The following UBE2D3 variants were observed in gnomAD, a reference collection of about 807,000 sequenced individuals.
UBE2D3 encodes the protein ubiquitin conjugating enzyme E2 D3, also known as ubiquitin-conjugating enzyme E2 D3.
Under a neutral mutation model 22.8 loss-of-function variants are expected in UBE2D3, and 2 were observed. That is an observed-to-expected ratio of 0.09 (90% CI 0.04 to 0.28). The LOEUF (loss-of-function observed/expected upper bound fraction) is 0.28. UBE2D3 is among the 10% of genes least tolerant of loss of function. The probability of loss-of-function intolerance (pLI) is 1.00; values close to 1 mark genes in which losing one functional copy is unlikely to be tolerated. For missense variants in UBE2D3, 27 were observed against 182.5 expected (o/e 0.15, Z 4.91); for synonymous variants, 56 against 60.4 (o/e 0.93, Z 0.34).
chr4:102,838,163 T>A (rs1731523916), intron 1 of UBE2D3, among the ~76,000 whole-genome samples: 1 of 152,098 alleles, frequency 6.6e-6, no homozygotes, highest in Non-Finnish European at 1.5e-5. Context: ...CTATTGCACA[T>A]TTAAATAGTG....
rs567133699 is a variant in UBE2D3, at chr4:102,805,343, G to A, written c.121-2705C>T. 9.3e-4 allele frequency among the ~76,000 whole-genome samples: 141 copies of A among 152,136 alleles called. No homozygotes were observed. In the South Asian group the frequency reaches 0.017, roughly 18 times the overall value. On this transcript the variant is annotated intron_variant, in intron 4 of 7. Coordinates refer to ENST00000453744, the MANE Select transcript of UBE2D3 (RefSeq NM_181891.3). ...AGAAACAAAATCCCCAAAGAATAAG[G>A]AACACTGTGATCAGCAAATCGACTC...
chr4:102,828,005 T>C, upstream of UBE2D3: 1 of 985,494 alleles, frequency 1.0e-6, no homozygotes. Flanking sequence ...GCGGTAGCTC[T>C]GCAATGACTT....
intron 2 of UBE2D3, chr4:102,811,596 AC>A (rs1728038247): frequency 3.2e-6 from 1 of 308,414 alleles, no homozygotes; most frequent in African/African-American, 2.3e-5. Flanking sequence ...CAGGAGAATC[AC>A]TTGAACCTGG....
chr4:102,842,256 AAAG>A (rs1274120609), intron 1 of UBE2D3, among the ~76,000 whole-genome samples: 1 of 152,044 alleles, frequency 6.6e-6, no homozygotes, highest in Non-Finnish European at 1.5e-5. Context: ...AAAAAAAAAA[AAAG>A]AGTCCTCTTT....
At chr4:102,827,171 C>G in intron 1 of UBE2D3, 1 of 987,030 alleles carries the variant, frequency 1.0e-6, no homozygotes, top group Non-Finnish European at 1.2e-6. Context: ...CCAGCGCGCT[C>G]CCGCGCGCGC....
chr4:102,826,651 G>A lies in UBE2D3; in HGVS notation c.-128-15C>T. On this transcript the variant is annotated splice_polypyrimidine_tract_variant and intron_variant, in intron 1 of 7. Coordinates refer to ENST00000453744, the MANE Select transcript of UBE2D3 (RefSeq NM_181891.3). Reference sequence around the variant, plus strand: ...GACACAGGCGCCTTTTGCAAAAACGGAGCAGATCAGCACTCGCACAGGCCC... The same window carrying A: ...GACACAGGCGCCTTTTGCAAAAACGAAGCAGATCAGCACTCGCACAGGCCC... 1.3e-6 allele frequency: 2 copies of A among 1,558,164 alleles called. No homozygotes were observed. Among genetic ancestry groups the A allele is most frequent in the Non-Finnish European group, 1.7e-6 (2 of 1,162,252 alleles).
intron 4 of UBE2D3, among the ~76,000 whole-genome samples, chr4:102,808,719 G>A (rs1282537348): frequency 6.6e-6 from 1 of 152,032 alleles, no homozygotes; most frequent in Non-Finnish European, 1.5e-5. Context: ...AGATCGACAG[G>A]GATGTTTATT....
chr4:102,803,625 A>G (rs1337187362), intron 4 of UBE2D3, among the ~76,000 whole-genome samples: 1 of 152,230 alleles, frequency 6.6e-6, no homozygotes, highest in Non-Finnish European at 1.5e-5. Context: ...TATCTTGATG[A>G]GCTTACACTG....
intron 6 of UBE2D3, among the ~76,000 whole-genome samples, chr4:102,800,206 C>T (rs144038462): frequency 6.6e-6 from 1 of 151,944 alleles, no homozygotes; most frequent in Non-Finnish European, 1.5e-5. Context: ...GATATAAATG[C>T]TTGAAATGGT....
chr4:102,827,974 C>A, upstream of UBE2D3: 2 of 985,542 alleles, frequency 2.0e-6, no homozygotes, highest in South Asian at 4.7e-5. Flanking sequence ...CTCGCGAGAA[C>A]TTCGTGGCTG....
chr4:102,828,033 C>G (rs1730861514), upstream of UBE2D3: 2 of 985,350 alleles, frequency 2.0e-6, no homozygotes, highest in South Asian at 9.4e-5. Flanking sequence ...GTTTTGTGCG[C>G]TTTTCCTGAC....
chr4:102,863,156 T>TTC (rs1384098233), intron 1 of UBE2D3, among the ~76,000 whole-genome samples: 2 of 152,190 alleles, frequency 1.3e-5, no homozygotes, highest in East Asian at 3.9e-4. Flanking sequence ...GATCAAGCGA[T>TTC]TCTCCTGCCT....
chr4:102,805,153 T>C (rs1726829866), intron 4 of UBE2D3, among the ~76,000 whole-genome samples: 1 of 152,202 alleles, frequency 6.6e-6, no homozygotes, highest in African/African-American at 2.4e-5. Flanking sequence ...AAGAACTTTA[T>C]AAAGAAGGCA....
intron 1 of UBE2D3, among the ~76,000 whole-genome samples, chr4:102,858,789 C>T (rs975884482): frequency 2.6e-5 from 4 of 151,876 alleles, no homozygotes; most frequent in Admixed American, 6.6e-5. Context: ...AGATCTCATA[C>T]AAAAACTCGA....
intron 2 of UBE2D3, among the ~76,000 whole-genome samples, chr4:102,823,392 C>G (rs969375210): frequency 6.6e-6 from 1 of 152,070 alleles, no homozygotes; most frequent in Non-Finnish European, 1.5e-5. Context: ...AGGAGGGAAA[C>G]GAAGATCAAA....
At chr4:102,838,539 A>G (rs368400718) in intron 1 of UBE2D3, among the ~76,000 whole-genome samples, 1 of 152,182 alleles carries the variant, frequency 6.6e-6, no homozygotes, top group African/African-American at 2.4e-5. Flanking sequence ...TGAATAATCG[A>G]GGCATCAGTT....
At chr4:102,799,948 C>A (rs1288309819) in intron 6 of UBE2D3, among the ~76,000 whole-genome samples, 1 of 151,720 alleles carries the variant, frequency 6.6e-6, no homozygotes, top group Non-Finnish European at 1.5e-5. Context: ...CTGAGAAAAA[C>A]CCTCAAGTGC....
intron 1 of UBE2D3, among the ~76,000 whole-genome samples, chr4:102,845,956 A>C (rs1034570613): frequency 4.6e-5 from 7 of 151,898 alleles, no homozygotes; most frequent in African/African-American, 1.7e-4. Context: ...ACACCCAGCT[A>C]ATTTTTGTAT....
At chr4:102,847,838 G>T (rs953926583) in intron 1 of UBE2D3, among the ~76,000 whole-genome samples, 4 of 151,934 alleles carry the variant, frequency 2.6e-5, no homozygotes, top group African/African-American at 9.7e-5. Flanking sequence ...TAGAGATGGG[G>T]TCTTGCAGTG....
Sources: allele counts gnomAD v4.1 joint callset (sites outside exome capture counted in the v4.1 genomes callset), GRCh38; gene constraint gnomAD v4.1.1; transcripts MANE v1.5; gene names NCBI Gene and HGNC (gene_info 2026-07-23, HGNC 2026-07-21).